RNGTT: variants seen among roughly 807,000 people sequenced by gnomAD.
RNGTT encodes the protein RNA guanylyltransferase and 5'-phosphatase.
In RNGTT, 33 loss-of-function variants were observed where a neutral mutation model predicts 79.3. That is an observed-to-expected ratio of 0.42 (90% CI 0.32 to 0.56). The LOEUF is 0.56. Ranked by LOEUF, RNGTT falls within the 20% of genes least tolerant of loss-of-function variation. The pLI is 0.17. For missense variants in RNGTT, 497 were observed against 739.1 expected, an observed-to-expected ratio of 0.67 and a Z score of 3.80; for synonymous variants, 222 against 235.9, an observed-to-expected ratio of 0.94 and a Z score of 0.54.
At position 88,843,361 on chromosome 6, in the gene RNGTT, CA is replaced by C. The variant is rs1485203674; in HGVS notation, c.1269+995del. On this transcript the variant is annotated intron_variant, in intron 11 of 15. Coordinates refer to ENST00000369485, the MANE Select transcript of RNGTT (RefSeq NM_003800.5). ...GTTGGTAATAGCAAAGGACTAGAAGCAATCTAAAAACCCATCAATTACAACA... is the reference window on the plus strand; with the variant it reads ...GTTGGTAATAGCAAAGGACTAGAAGCATCTAAAAACCCATCAATTACAACA... Among the ~76,000 whole-genome samples, 9 of 151,948 alleles carry C rather than the reference CA, an allele frequency of 5.9e-5. No individual in the cohort carries two copies. In the East Asian group the frequency reaches 1.7e-3, roughly 29 times the overall value.
chr6:88,772,270 T>G (rs900791700), intron 12 of RNGTT, among the ~76,000 whole-genome samples: 1 of 151,886 alleles, frequency 6.6e-6, no homozygotes, highest in Non-Finnish European at 1.5e-5. Context: ...GAACACTGAT[T>G]TCTTTAAAAA....
intron 13 of RNGTT, among the ~76,000 whole-genome samples, chr6:88,751,056 G>C (rs1777823404): frequency 6.6e-6 from 1 of 152,118 alleles, no homozygotes; most frequent in Admixed American, 6.6e-5. Flanking sequence ...TTCAATAAAT[G>C]CTTACTGAAT....
At chr6:88,895,066 C>G (rs567995117) in intron 6 of RNGTT, among the ~76,000 whole-genome samples, 1 of 151,808 alleles carries the variant, frequency 6.6e-6, no homozygotes, top group Non-Finnish European at 1.5e-5. Context: ...AAAGAAAAAT[C>G]GAAAGTTAAA....
intron 8 of RNGTT, among the ~76,000 whole-genome samples, chr6:88,867,342 G>C (rs1429616543): frequency 6.6e-6 from 1 of 151,974 alleles, no homozygotes; most frequent in Non-Finnish European, 1.5e-5. Context: ...AATTAGCTAG[G>C]CATGGTGGCA....
intron 11 of RNGTT, among the ~76,000 whole-genome samples, chr6:88,831,239 C>G (rs910922782): frequency 5.9e-5 from 9 of 152,212 alleles, no homozygotes; most frequent in African/African-American, 2.2e-4. Flanking sequence ...AACTTATCCA[C>G]CACGATCAAG....
intron 12 of RNGTT, among the ~76,000 whole-genome samples, chr6:88,795,111 T>A (rs1429517289): frequency 6.6e-6 from 1 of 152,200 alleles, no homozygotes; most frequent in Non-Finnish European, 1.5e-5. Context: ...GATAGAGGAA[T>A]AGTTATTTAA....
intron 8 of RNGTT, among the ~76,000 whole-genome samples, chr6:88,885,909 G>C (rs941376629): frequency 1.3e-5 from 2 of 152,138 alleles, no homozygotes; most frequent in African/African-American, 4.8e-5. Flanking sequence ...TGCCCAACTT[G>C]AATCATGAGG....
At chr6:88,886,141 T>TA (rs1469623369) in intron 8 of RNGTT, among the ~76,000 whole-genome samples, 5 of 152,174 alleles carry the variant, frequency 3.3e-5, no homozygotes, top group African/African-American at 1.2e-4. Context: ...CCGTCTCTAC[T>TA]AAAAATACAA....
At chr6:88,715,033 T>G (rs1326772685) in intron 13 of RNGTT, among the ~76,000 whole-genome samples, 2 of 152,186 alleles carry the variant, frequency 1.3e-5, no homozygotes, top group Admixed American at 6.5e-5. Context: ...TTGTCCCTGT[T>G]TGCAGATGAC....
At chr6:88,917,420 A>T (rs1249553884) in intron 4 of RNGTT, among the ~76,000 whole-genome samples, 1 of 152,210 alleles carries the variant, frequency 6.6e-6, no homozygotes, top group Non-Finnish European at 1.5e-5. Context: ...ACTATAAATA[A>T]ATCAGAATGG....
chr6:88,826,427 A>G (rs528224451), intron 11 of RNGTT, among the ~76,000 whole-genome samples: 19 of 152,324 alleles, frequency 1.2e-4, no homozygotes, highest in African/African-American at 4.6e-4. Context: ...TATTGCAATA[A>G]TTCAATAATA....
intron 1 of RNGTT, among the ~76,000 whole-genome samples, chr6:88,956,641 A>T (rs1252872429): frequency 1.3e-5 from 2 of 152,242 alleles, no homozygotes; most frequent in African/African-American, 2.4e-5. Context: ...AAAATCCTCA[A>T]CAAAATGCCA....
At chr6:88,798,290 C>T (rs1779667262) in intron 12 of RNGTT, among the ~76,000 whole-genome samples, 1 of 151,824 alleles carries the variant, frequency 6.6e-6, no homozygotes, top group South Asian at 2.1e-4. Flanking sequence ...CAAGGCAAAA[C>T]CCCGTATCTA....
chr6:88,718,023 T>C (rs1423030342), intron 13 of RNGTT, among the ~76,000 whole-genome samples: 7 of 152,130 alleles, frequency 4.6e-5, no homozygotes, highest in African/African-American at 1.7e-4. Flanking sequence ...ACTGAATTAA[T>C]CTGGCCAGGA....
At chr6:88,778,958 T>G (rs555888674) in intron 12 of RNGTT, among the ~76,000 whole-genome samples, 2 of 152,338 alleles carry the variant, frequency 1.3e-5, no homozygotes, top group South Asian at 4.1e-4. Flanking sequence ...ACATACATGC[T>G]TCAGGATAAT....
chr6:88,740,517 A>C (rs969564349), intron 13 of RNGTT, among the ~76,000 whole-genome samples: 4 of 152,064 alleles, frequency 2.6e-5, no homozygotes, highest in Non-Finnish European at 5.9e-5. Flanking sequence ...CCTGTCTCAA[A>C]AAAACAAAAA....
At chr6:88,732,667 G>C (rs1353781080) in intron 13 of RNGTT, among the ~76,000 whole-genome samples, 1 of 152,132 alleles carries the variant, frequency 6.6e-6, no homozygotes, top group Non-Finnish European at 1.5e-5. Flanking sequence ...AATATTATTT[G>C]GCCTTAAAAA....
intron 13 of RNGTT, among the ~76,000 whole-genome samples, chr6:88,696,215 T>C (rs550576081): frequency 6.6e-6 from 1 of 152,302 alleles, no homozygotes; most frequent in African/African-American, 2.4e-5. Context: ...GGTTTAATAA[T>C]TCTACTTTGT....
chr6:88,688,941 C>T (rs1188288433), intron 13 of RNGTT, among the ~76,000 whole-genome samples: 1 of 152,086 alleles, frequency 6.6e-6, no homozygotes. Context: ...ATTTTCTTTT[C>T]TCTAGCTTTA....
Sources: gnomAD v4.1 joint callset for allele counts (sites outside exome capture counted in the v4.1 genomes callset) on GRCh38, gnomAD v4.1.1 for gene constraint, MANE v1.5 for transcripts, NCBI Gene and HGNC (gene_info 2026-07-23, HGNC 2026-07-21) for gene names.